PPP2R2B: variants seen among roughly 807,000 people sequenced by gnomAD.
The protein encoded by PPP2R2B is protein phosphatase 2 regulatory subunit Bbeta.
A neutral mutation model predicts 46.0 loss-of-function variants in PPP2R2B; 5 were observed. The observed-to-expected ratio is 0.11, with a 90% CI of 0.06 to 0.23. The LOEUF is 0.23. PPP2R2B is among the 10% of genes least tolerant of loss of function. The pLI, the probability that PPP2R2B is intolerant of heterozygous loss-of-function variation, is 1.00. For missense variants in PPP2R2B, 367 were observed against 575.0 expected (o/e 0.64, Z 3.70); for synonymous variants, 215 against 206.7 (o/e 1.04, Z -0.34).
intron 1 of PPP2R2B, among the ~76,000 whole-genome samples, chr5:147,017,293 A>C (rs1303412427): frequency 1.3e-5 from 2 of 151,562 alleles, no homozygotes; most frequent in African/African-American, 2.4e-5. Context: ...AGTGATGCTA[A>C]TCATAGGACA....
chr5:146,743,253 T>A (rs1438800982), intron 2 of PPP2R2B, among the ~76,000 whole-genome samples: 1 of 152,138 alleles, frequency 6.6e-6, no homozygotes, highest in Non-Finnish European at 1.5e-5. Context: ...GAAGAATTCT[T>A]TTTCTTCCCT....
At chr5:146,619,783 C>T (rs558683517) in intron 7 of PPP2R2B, among the ~76,000 whole-genome samples, 1 of 152,220 alleles carries the variant, frequency 6.6e-6, no homozygotes, top group Non-Finnish European at 1.5e-5. Context: ...TCCCTGCTCC[C>T]CTGTTTCTCT....
chr5:146,950,234 A>C (rs1208338829), intron 1 of PPP2R2B, among the ~76,000 whole-genome samples: 5 of 152,036 alleles, frequency 3.3e-5, no homozygotes, highest in Non-Finnish European at 7.4e-5. Context: ...TGTACCTCAT[A>C]AATATATATA....
chr5:146,688,617 CCTT>C (rs1022417097), intron 5 of PPP2R2B, among the ~76,000 whole-genome samples: 2 of 152,108 alleles, frequency 1.3e-5, no homozygotes, highest in African/African-American at 2.4e-5. Context: ...CTCAGGGCCT[CCTT>C]CTCTGTTTCA....
chr5:146,901,707 T>C (rs899538018), intron 1 of PPP2R2B, among the ~76,000 whole-genome samples: 76 of 152,162 alleles, frequency 5.0e-4, no homozygotes, highest in African/African-American at 1.8e-3. Flanking sequence ...AAGAGAAGAA[T>C]GCAAGCAGGA....
At chr5:146,901,828 C>T (rs141990632) in intron 1 of PPP2R2B, among the ~76,000 whole-genome samples, 134 of 152,140 alleles carry the variant, frequency 8.8e-4, no homozygotes, top group Non-Finnish European at 1.6e-3. Flanking sequence ...TGAGTGGTTG[C>T]ATTAGAAGGA....
chr5:146,696,709 G>A (rs919576095), intron 4 of PPP2R2B, among the ~76,000 whole-genome samples: 1 of 152,152 alleles, frequency 6.6e-6, no homozygotes, highest in Admixed American at 6.5e-5. Context: ...TTGGAGTCTG[G>A]AAAAACAGAT....
intron 2 of PPP2R2B, among the ~76,000 whole-genome samples, chr5:146,852,951 C>T (rs962275836): frequency 1.1e-4 from 17 of 152,096 alleles, no homozygotes; most frequent in Admixed American, 9.2e-4. Flanking sequence ...CATTAAGAGG[C>T]AAGATTCTTC....
intron 2 of PPP2R2B, among the ~76,000 whole-genome samples, chr5:146,839,194 AGT>A (rs1208610735): frequency 1.3e-5 from 2 of 152,190 alleles, no homozygotes; most frequent in Non-Finnish European, 2.9e-5. Flanking sequence ...GCAATACTCA[AGT>A]CAAATACATA....
At chr5:146,924,597 A>T (rs1763719270) in intron 1 of PPP2R2B, among the ~76,000 whole-genome samples, 1 of 152,202 alleles carries the variant, frequency 6.6e-6, no homozygotes, top group Non-Finnish European at 1.5e-5. Flanking sequence ...ATAGATGAAC[A>T]ACTTGTGCAG....
chr5:146,758,685 C>T (rs186903313), intron 2 of PPP2R2B, among the ~76,000 whole-genome samples: 14 of 151,712 alleles, frequency 9.2e-5, no homozygotes, highest in East Asian at 3.9e-4. Context: ...TTAATACCTA[C>T]GGGTCAAATG....
chr5:146,682,285 A>T (rs926089260), intron 5 of PPP2R2B, among the ~76,000 whole-genome samples: 1 of 152,230 alleles, frequency 6.6e-6, no homozygotes, highest in Non-Finnish European at 1.5e-5. Flanking sequence ...ATGTAATACT[A>T]CTTCGAACTT....
chr5:147,055,960 T>C lies in PPP2R2B; in HGVS notation c.-217A>G, dbSNP rs928957033. ...TTACATTTCTGCATGCAGCTCAAACTCAGAAGCCCCCAAGCAAGCCGGGAT... is the reference window on the plus strand; with the variant it reads ...TTACATTTCTGCATGCAGCTCAAACCCAGAAGCCCCCAAGCAAGCCGGGAT... On this transcript the variant is annotated 5_prime_UTR_variant, in exon 1 of 9. Coordinates refer to the PPP2R2B transcript ENST00000336640. The C allele has an allele frequency of 2.2e-5, 31 of 1,385,484 alleles. 1 individual carries two copies. In the South Asian group the frequency reaches 4.4e-4, roughly 20 times the overall value. The allele number at this position is 1,385,484 out of a possible 1,614,324, so 85.8% of individuals were successfully genotyped here.
intron 1 of PPP2R2B, among the ~76,000 whole-genome samples, chr5:147,014,446 T>C (rs918462938): frequency 2.0e-5 from 3 of 151,960 alleles, no homozygotes; most frequent in African/African-American, 7.3e-5. Flanking sequence ...CGTATGTTTA[T>C]TGTGGCATTT....
chr5:146,623,937 G>T (rs573639600), intron 7 of PPP2R2B, among the ~76,000 whole-genome samples: 35 of 152,244 alleles, frequency 2.3e-4, no homozygotes, highest in African/African-American at 8.4e-4. Flanking sequence ...TATGAGAACT[G>T]CATGGGGGGC....
intron 7 of PPP2R2B, among the ~76,000 whole-genome samples, chr5:146,634,202 C>T (rs917280203): frequency 6.6e-5 from 10 of 152,278 alleles, no homozygotes; most frequent in Admixed American, 1.3e-4. Context: ...AGAATAAAAA[C>T]GCTGACCCTC....
chr5:146,767,420 T>C (rs1041208793), intron 2 of PPP2R2B, among the ~76,000 whole-genome samples: 2 of 152,146 alleles, frequency 1.3e-5, no homozygotes, highest in African/African-American at 4.8e-5. Context: ...TTCCGTGGTA[T>C]AGAGTGAATC....
intron 7 of PPP2R2B, chr5:146,607,127 C>T (rs1485501892): frequency 3.3e-5 from 5 of 152,046 alleles, no homozygotes; most frequent in Admixed American, 1.3e-4. Flanking sequence ...AAAGCCTCGC[C>T]GATTGAGATG....
At chr5:146,879,428 C>T (rs1221902078), upstream of PPP2R2B, among the ~76,000 whole-genome samples, 1 of 152,184 alleles carries the variant, frequency 6.6e-6, no homozygotes, top group African/African-American at 2.4e-5. Context: ...CTCTCCCTTG[C>T]AGTTTGCACT....
Sources: allele counts gnomAD v4.1 joint callset (sites outside exome capture counted in the v4.1 genomes callset), GRCh38; gene constraint gnomAD v4.1.1; transcripts MANE v1.5; gene names NCBI Gene and HGNC (gene_info 2026-07-23, HGNC 2026-07-21).